The following CROT variants were observed in gnomAD, a reference collection of about 807,000 sequenced individuals.
CROT encodes the protein carnitine O-octanoyltransferase.
CROT carries 84 observed loss-of-function variants against 89.2 expected under a neutral mutation model. That is an observed-to-expected ratio of 0.94 (90% CI 0.79 to 1.13). CROT has a LOEUF of 1.13. Ranked by LOEUF, CROT falls within the 50% of genes most tolerant of loss-of-function variation. The probability of loss-of-function intolerance (pLI) is 0.00; values close to 1 mark genes in which losing one functional copy is unlikely to be tolerated. For missense variants in CROT, 711 were observed against 727.8 expected, an observed-to-expected ratio of 0.98 and a Z score of 0.27; for synonymous variants, 212 against 239.5, an observed-to-expected ratio of 0.89 and a Z score of 1.06.
chr7:87,398,432 T>G lies in CROT; in HGVS notation c.1719-92T>G, dbSNP rs1033071566. ...TCAGCAAGACTTCACATTTCATGTA[T>G]GAATATCCAGATGAAATAAAGTCCT... On this transcript the variant is annotated intron_variant, in intron 17 of 17. Transcript: ENST00000331536. The G allele has an allele frequency of 2.7e-5, 39 of 1,444,550 alleles. No homozygotes were observed. The African/African-American group carries it at 5.0e-4, about 19-fold the overall frequency. The allele number at this position is 1,444,550 out of a possible 1,614,324, so 89.5% of individuals were successfully genotyped here.
intron 13 of CROT, among the ~76,000 whole-genome samples, chr7:87,389,328 G>T (rs1354419821): frequency 6.6e-6 from 1 of 152,140 alleles, no homozygotes. Flanking sequence ...GCACACATAT[G>T]TATATTGCAG....
intron 6 of CROT, among the ~76,000 whole-genome samples, chr7:87,367,521 C>T (rs745353818): frequency 9.2e-5 from 14 of 152,188 alleles, no homozygotes; most frequent in Non-Finnish European, 2.1e-4. Flanking sequence ...TTTGTTTTTG[C>T]AACCAGTGAA....
chr7:87,375,596 G>C (rs763937408), intron 7 of CROT, 36 bp from the exon 8 acceptor site: 1 of 1,499,904 alleles, frequency 6.7e-7, no homozygotes, highest in East Asian at 2.3e-5. Context: ...CTTTCTGCCT[G>C]TACTCTTTTT....
intron 6 of CROT, among the ~76,000 whole-genome samples, chr7:87,367,332 T>C (rs1030321380): frequency 2.6e-5 from 4 of 152,148 alleles, no homozygotes; most frequent in African/African-American, 9.7e-5. Flanking sequence ...CCAAGGAATG[T>C]GGATAGCCTC....
chr7:87,347,716 T>A (rs1368520014), intron 2 of CROT, among the ~76,000 whole-genome samples: 3 of 151,932 alleles, frequency 2.0e-5, no homozygotes, highest in Non-Finnish European at 4.4e-5. Context: ...TTTCCATACA[T>A]CTAGAGGTAG....
At chr7:87,367,327 G>A (rs1394130153) in intron 6 of CROT, among the ~76,000 whole-genome samples, 1 of 152,142 alleles carries the variant, frequency 6.6e-6, no homozygotes, top group African/African-American at 2.4e-5. Context: ...TGAGCCCAAG[G>A]AATGTGGATA....
At position 87,379,619 on chromosome 7, in the gene CROT, A is replaced by G. The variant is rs574538590; in HGVS notation, c.978+2169A>G. 2.0e-5 allele frequency among the ~76,000 whole-genome samples: 3 copies of G among 152,364 alleles called. No homozygotes were observed. In the East Asian group the frequency reaches 5.8e-4, roughly 29 times the overall value. ...AAAGAATATTGGGCTCATAATGAGCATATCTCTCAGCATAACTGAACTGCT... is the reference window on the plus strand; with the variant it reads ...AAAGAATATTGGGCTCATAATGAGCGTATCTCTCAGCATAACTGAACTGCT... On this transcript the variant is annotated intron_variant, in intron 10 of 17. Coordinates refer to ENST00000331536, the MANE Select transcript of CROT (RefSeq NM_021151.4).
chr7:87,368,273 C>A (rs1264310640), intron 6 of CROT, among the ~76,000 whole-genome samples: 1 of 152,190 alleles, frequency 6.6e-6, no homozygotes, highest in Non-Finnish European at 1.5e-5. Context: ...CACCCTTCTG[C>A]CACCCTCACC....
At chr7:87,373,737 T>C (rs1158770440) in intron 7 of CROT, among the ~76,000 whole-genome samples, 2 of 151,852 alleles carry the variant, frequency 1.3e-5, no homozygotes, top group Non-Finnish European at 2.9e-5. Flanking sequence ...ATTAAAGAAG[T>C]AGACGAGATT....
chr7:87,358,481 C>CAAAAAAAA (rs11405316), intron 3 of CROT, among the ~76,000 whole-genome samples: 1 of 95,646 alleles, frequency 1.0e-5, no homozygotes, highest in African/African-American at 4.3e-5. Flanking sequence ...GACTCCATCT[C>CAAAAAAAA]AAAAAAAAAA....
rs1807646845 is a variant in CROT, at chr7:87,398,865, C to A, written c.*221C>A. On this transcript the variant is annotated 3_prime_UTR_variant, in exon 18 of 18. Coordinates refer to ENST00000331536, the MANE Select transcript of CROT (RefSeq NM_021151.4). The stretch of plus-strand genomic sequence containing the variant: ...AAGCTCCTCTGATGCAGCAGCAATG[C>A]AAATTATGACATAGTGAATATAGAA... 3.8e-6 allele frequency: 2 copies of A among 520,210 alleles called. No individual in the cohort carries two copies. The highest frequency in any genetic ancestry group is 6.8e-6 in the Non-Finnish European group (2 of 292,042). The allele number at this position is 520,210 out of a possible 1,614,324, so 32.2% of individuals were successfully genotyped here. A position where few individuals can be genotyped will look rare whatever the true frequency, so the allele number is the denominator to read the frequency against.
chr7:87,347,840 T>C (rs1356775173), intron 2 of CROT, among the ~76,000 whole-genome samples: 1 of 152,048 alleles, frequency 6.6e-6, no homozygotes, highest in Admixed American at 6.6e-5. Context: ...GGAGGGAAAG[T>C]GCAGGGAGAA....
intron 4 of CROT, 41 bp downstream of exon 4, chr7:87,359,371 A>G: frequency 6.5e-7 from 1 of 1,541,222 alleles, no homozygotes; most frequent in South Asian, 1.3e-5. Context: ...TGTTTAAAGA[A>G]TGATAAATAA....
chr7:87,384,346 A>C (rs1026470299), intron 13 of CROT, among the ~76,000 whole-genome samples: 1 of 152,178 alleles, frequency 6.6e-6, no homozygotes, highest in Non-Finnish European at 1.5e-5. Context: ...AGCCTGGCCA[A>C]CATAGCGAAA....
chr7:87,368,378 C>A (rs10247098), intron 6 of CROT, among the ~76,000 whole-genome samples: 109,682 of 151,816 alleles, frequency 0.72, 41,380 homozygotes, highest in Middle Eastern at 0.84. Context: ...CAGGAGATGA[C>A]AGCAATAAAA....
At chr7:87,377,072 T>C (rs1166430902) in intron 9 of CROT, among the ~76,000 whole-genome samples, 1 of 152,194 alleles carries the variant, frequency 6.6e-6, no homozygotes, top group African/African-American at 2.4e-5. Flanking sequence ...CTCAATTCTA[T>C]GTTCTGTAAA....
chr7:87,353,906 G>A (rs1805965567), intron 3 of CROT, among the ~76,000 whole-genome samples: 1 of 152,108 alleles, frequency 6.6e-6, no homozygotes, highest in African/African-American at 2.4e-5. Context: ...GATTTGGAGG[G>A]GACATCCAAA....
intron 13 of CROT, among the ~76,000 whole-genome samples, chr7:87,384,181 G>A (rs1252192446): frequency 6.6e-6 from 1 of 152,092 alleles, no homozygotes; most frequent in Non-Finnish European, 1.5e-5. Flanking sequence ...TAGTGATGTT[G>A]AGCATTTTTC....
rs751014356 is a variant in CROT at position 87,398,602 on chromosome 7, T to C, written c.1797T>C (p.Ala599=). 4.3e-6 allele frequency: 7 copies of C among 1,613,672 alleles called. No homozygotes were observed. The East Asian group carries it at 1.1e-4, about 26-fold the overall frequency. The change falls in exon 18 of 18, where the codon GCT becomes GCC. Residue 599 remains alanine, a synonymous_variant. Coordinates refer to ENST00000331536, the MANE Select transcript of CROT (RefSeq NM_021151.4). ...AGCTAGTTCAGCTGACTTTTTGTGCTTTTCATGATATGATACAGCTGATGA... is the reference window on the plus strand; with the variant it reads ...AGCTAGTTCAGCTGACTTTTTGTGCCTTTCATGATATGATACAGCTGATGA... ...AEKLVQLTFC[A]FHDMIQLMNS...
Sources: gnomAD v4.1 joint callset for allele counts (sites outside exome capture counted in the v4.1 genomes callset) on GRCh38, gnomAD v4.1.1 for gene constraint, MANE v1.5 for transcripts, NCBI Gene and HGNC (gene_info 2026-07-23, HGNC 2026-07-21) for gene names.